Variants in SLC39A11 observed in about 807,000 individuals in gnomAD.
The protein encoded by SLC39A11 is solute carrier family 39 member 11.
In SLC39A11, 33 loss-of-function variants were observed where a neutral mutation model predicts 36.1. The observed-to-expected ratio is 0.91, with a 90% CI of 0.69 to 1.22. The LOEUF (loss-of-function observed/expected upper bound fraction) is 1.22. Ranked by LOEUF, SLC39A11 falls within the 50% of genes most tolerant of loss-of-function variation. The pLI, the probability that SLC39A11 is intolerant of heterozygous loss-of-function variation, is 0.00. For synonymous variants in SLC39A11, 166 were observed against 170.3 expected (o/e 0.97, Z 0.20); for missense variants, 432 against 430.3 (o/e 1.00, Z -0.03).
chr17:72,873,365 T>C (rs990609986), intron 5 of SLC39A11, among the ~76,000 whole-genome samples: 6 of 152,130 alleles, frequency 3.9e-5, no homozygotes, highest in Non-Finnish European at 8.8e-5. Context: ...ACCTTATCCA[T>C]TTCCTAGCCC....
At chr17:73,012,357 C>T (rs2090570080) in intron 4 of SLC39A11, among the ~76,000 whole-genome samples, 1 of 152,120 alleles carries the variant, frequency 6.6e-6, no homozygotes, top group Non-Finnish European at 1.5e-5. Flanking sequence ...ACCCCATTTT[C>T]CATGATGTGA....
intron 7 of SLC39A11, among the ~76,000 whole-genome samples, chr17:72,659,872 A>G (rs1268342935): frequency 6.6e-6 from 1 of 152,046 alleles, no homozygotes; most frequent in African/African-American, 2.4e-5. Flanking sequence ...AAGTGTTGGG[A>G]TTACAGGCTT....
intron 7 of SLC39A11, among the ~76,000 whole-genome samples, chr17:72,649,620 GTTTCTTTTTCTTTT>G (rs1331619650): frequency 0.013 from 1,880 of 150,226 alleles, 44 homozygotes; most frequent in African/African-American, 0.044. Context: ...CTACGCCTCT[GTTTCTTTTTCTTTT>G]TTTCTTTTTC....
intron 5 of SLC39A11, among the ~76,000 whole-genome samples, chr17:72,887,346 C>T (rs569885033): frequency 1.1e-4 from 16 of 152,162 alleles, no homozygotes; most frequent in Non-Finnish European, 2.1e-4. Context: ...GAAAGTGCAT[C>T]GAAACTCCGT....
At chr17:72,815,117 T>TGCTGAA (rs1287127597) in intron 6 of SLC39A11, among the ~76,000 whole-genome samples, 2 of 152,172 alleles carry the variant, frequency 1.3e-5, no homozygotes, top group Non-Finnish European at 2.9e-5. Flanking sequence ...CTCAAGGAGA[T>TGCTGAA]GCTGAAGTTC....
At chr17:72,798,544 G>C (rs1488719527) in intron 6 of SLC39A11, among the ~76,000 whole-genome samples, 2 of 151,480 alleles carry the variant, frequency 1.3e-5, no homozygotes, top group African/African-American at 2.4e-5. Flanking sequence ...CTCCCGAGTA[G>C]CTGGGATTAC....
At chr17:72,971,380 G>A (rs950641560) in intron 4 of SLC39A11, among the ~76,000 whole-genome samples, 2 of 151,518 alleles carry the variant, frequency 1.3e-5, no homozygotes, top group African/African-American at 2.4e-5. Flanking sequence ...TTACTTCTCA[G>A]GTGGCAAGAA....
At chr17:72,904,526 A>T (rs1401610445) in intron 5 of SLC39A11, among the ~76,000 whole-genome samples, 3 of 152,190 alleles carry the variant, frequency 2.0e-5, no homozygotes, top group Admixed American at 1.3e-4. Context: ...GAGCAGGTGC[A>T]GGGCCACTCT....
At chr17:72,861,286 C>T (rs920847662) in intron 5 of SLC39A11, among the ~76,000 whole-genome samples, 22 of 152,130 alleles carry the variant, frequency 1.4e-4, no homozygotes, top group African/African-American at 4.6e-4. Context: ...TTTCAACCTT[C>T]AGAAAGGATC....
intron 4 of SLC39A11, among the ~76,000 whole-genome samples, chr17:72,979,403 T>A (rs2088123009): frequency 6.6e-6 from 1 of 152,098 alleles, no homozygotes; most frequent in Admixed American, 6.5e-5. Flanking sequence ...CTCACTCCAG[T>A]TATGCTGAGA....
chr17:72,941,078 C>T (rs896739387), intron 5 of SLC39A11, among the ~76,000 whole-genome samples: 1 of 151,752 alleles, frequency 6.6e-6, no homozygotes, highest in Admixed American at 6.6e-5. Context: ...TCAAGACCAG[C>T]CTGGGCAACA....
chr17:72,771,930 A>G (rs2075962232), intron 6 of SLC39A11, among the ~76,000 whole-genome samples: 1 of 152,168 alleles, frequency 6.6e-6, no homozygotes, highest in Non-Finnish European at 1.5e-5. Context: ...CTTCTCTCCA[A>G]GAGGGGAGCC....
At chr17:72,692,452 G>T (rs2072078564) in intron 7 of SLC39A11, among the ~76,000 whole-genome samples, 1 of 152,160 alleles carries the variant, frequency 6.6e-6, no homozygotes, top group Non-Finnish European at 1.5e-5. Context: ...CACATGGCTG[G>T]GGAGGCCTCA....
At chr17:73,027,414 A>T (rs2058595885) in intron 4 of SLC39A11, among the ~76,000 whole-genome samples, 1 of 152,170 alleles carries the variant, frequency 6.6e-6, no homozygotes, top group Non-Finnish European at 1.5e-5. Context: ...CATTTGGCAA[A>T]GTCTCTGCAA....
At chr17:72,804,742 C>T (rs531652630) in intron 6 of SLC39A11, among the ~76,000 whole-genome samples, 5 of 152,230 alleles carry the variant, frequency 3.3e-5, no homozygotes, top group Non-Finnish European at 5.9e-5. Context: ...AATAATCTCC[C>T]GGCCACGCAG....
Position 72,909,700 on chromosome 17 carries a change from C to T in SLC39A11, c.430+38052G>A, listed in dbSNP as rs549781750. Among the ~76,000 whole-genome samples the T allele has an allele frequency of 9.2e-5, 14 of 151,876 alleles. 1 individual carries two copies. In the South Asian group the frequency reaches 2.9e-3, roughly 32 times the overall value. On this transcript the variant is annotated intron_variant, in intron 5 of 9. Coordinates refer to ENST00000255559, the MANE Select transcript of SLC39A11 (RefSeq NM_139177.4). ...TCACTCACCAATCAGGAAACAGAGG[C>T]TTGCAGAGCCAGTTTGCTCAACTGT...
chr17:72,938,316 T>C (rs1399890527), intron 5 of SLC39A11, among the ~76,000 whole-genome samples: 1 of 152,150 alleles, frequency 6.6e-6, no homozygotes, highest in East Asian at 1.9e-4. Flanking sequence ...TCCCAAAGGT[T>C]AGCGCTGTTC....
intron 7 of SLC39A11, among the ~76,000 whole-genome samples, chr17:72,650,716 C>G (rs542638161): frequency 7.9e-5 from 12 of 152,306 alleles, no homozygotes; most frequent in African/African-American, 2.9e-4. Flanking sequence ...AAGAGAAACT[C>G]CACCATCACC....
At chr17:72,966,297 C>G (rs1209240727) in intron 4 of SLC39A11, among the ~76,000 whole-genome samples, 2 of 152,156 alleles carry the variant, frequency 1.3e-5, no homozygotes, top group Non-Finnish European at 1.5e-5. Flanking sequence ...AAATTGTGAC[C>G]TCCACGCAAG....
Sources: allele counts gnomAD v4.1 joint callset (sites outside exome capture counted in the v4.1 genomes callset), GRCh38; gene constraint gnomAD v4.1.1; transcripts MANE v1.5; gene names NCBI Gene and HGNC (gene_info 2026-07-23, HGNC 2026-07-21).